Variants in PRKAR1B observed in about 807,000 individuals in gnomAD.
The protein encoded by PRKAR1B is cAMP-dependent protein kinase type I-beta regulatory subunit.
Under a neutral mutation model 46.5 loss-of-function variants are expected in PRKAR1B, and 22 were observed. The ratio of observed to expected loss-of-function variants is 0.47; its 90% CI spans 0.34 to 0.68. The LOEUF is 0.68. Ranked by LOEUF, PRKAR1B falls within the 30% of genes least tolerant of loss-of-function variation. PRKAR1B has a pLI of 0.01. For synonymous variants in PRKAR1B, 259 were observed against 217.7 expected (o/e 1.19, Z -1.67); for missense variants, 445 against 535.6 (o/e 0.83, Z 1.67).
chr7:715,337 A>C (rs914586244), intron 1 of PRKAR1B, among the ~76,000 whole-genome samples: 2 of 152,166 alleles, frequency 1.3e-5, no homozygotes, highest in African/African-American at 4.8e-5. Context: ...ATGCTCCTGG[A>C]TGAAGACACA....
rs1410812208 is a variant in PRKAR1B, at chr7:603,688, G to C, written c.549+2505C>G. Among the ~76,000 whole-genome samples the C allele has an allele frequency of 2.7e-5, 4 of 149,116 alleles. No homozygotes were observed. In the East Asian group the frequency reaches 8.0e-4, roughly 30 times the overall value. ...GGGAGGAGGTGACACGGTGACACCA[G>C]GACCCAGAGTGGAGGGGATGGGGGA... On this transcript the variant is annotated intron_variant, in intron 6 of 10. Coordinates refer to ENST00000537384, the MANE Select transcript of PRKAR1B (RefSeq NM_001164760.2).
At chr7:554,985 G>T (rs1001165095) in intron 9 of PRKAR1B, among the ~76,000 whole-genome samples, 6 of 152,172 alleles carry the variant, frequency 3.9e-5, no homozygotes, top group Non-Finnish European at 8.8e-5. Flanking sequence ...GTCCCTCATG[G>T]GGGCACAGAG....
At chr7:654,984 G>A (rs1464293796) in intron 4 of PRKAR1B, among the ~76,000 whole-genome samples, 1 of 152,258 alleles carries the variant, frequency 6.6e-6, no homozygotes, top group East Asian at 1.9e-4. Context: ...GGCTAGACAG[G>A]GCCCCTTTCT....
chr7:658,171 C>G (rs959045322), intron 4 of PRKAR1B, among the ~76,000 whole-genome samples: 1 of 152,094 alleles, frequency 6.6e-6, no homozygotes. Context: ...CGGTGGCTCA[C>G]ACCTGTAATC....
At position 679,985 on chromosome 7, in the gene PRKAR1B, C is replaced by T. The variant is rs1354514352; in HGVS notation, c.348+571G>A. On this transcript the variant is annotated intron_variant, in intron 3 of 10. Coordinates refer to ENST00000537384, the MANE Select transcript of PRKAR1B (RefSeq NM_001164760.2). Reference sequence around the variant, plus strand: ...CATCCTGGCTAACACAGTGAAACCCCGTCTTTACTAAAAATACAAAAAATT... The same window carrying T: ...CATCCTGGCTAACACAGTGAAACCCTGTCTTTACTAAAAATACAAAAAATT... Among the ~76,000 whole-genome samples the T allele has an allele frequency of 2.6e-5, 4 of 152,014 alleles. No homozygotes were observed. In the East Asian group the frequency reaches 5.8e-4, roughly 22 times the overall value.
At chr7:668,443 C>A (rs907775252) in intron 4 of PRKAR1B, among the ~76,000 whole-genome samples, 2 of 152,130 alleles carry the variant, frequency 1.3e-5, no homozygotes, top group East Asian at 3.8e-4. Flanking sequence ...CTTTAGAGAC[C>A]GTGGCCAGAA....
intron 4 of PRKAR1B, among the ~76,000 whole-genome samples, chr7:611,079 T>G (rs1004071699): frequency 1.3e-5 from 2 of 152,244 alleles, no homozygotes; most frequent in South Asian, 2.1e-4. Context: ...AGGTCAGCAC[T>G]GCTGTTCCGT....
chr7:555,650 C>A (rs1222704690), intron 9 of PRKAR1B, among the ~76,000 whole-genome samples: 1 of 152,198 alleles, frequency 6.6e-6, no homozygotes, highest in Non-Finnish European at 1.5e-5. Context: ...CACATGCCCC[C>A]TTTTTCAGGG....
At chr7:609,200 G>A (rs1443253918) in intron 4 of PRKAR1B, among the ~76,000 whole-genome samples, 2 of 152,160 alleles carry the variant, frequency 1.3e-5, no homozygotes, top group Non-Finnish European at 2.9e-5. Context: ...CCTGGTGCAC[G>A]CATCTGCAGG....
intron 4 of PRKAR1B, among the ~76,000 whole-genome samples, chr7:636,396 TCACGTCCTCCACCGGCCGCGCCCA>T (rs1448041798): frequency 0.11 from 1,702 of 16,188 alleles, 114 homozygotes; most frequent in South Asian, 0.14. Flanking sequence ...GGCCGCGCCC[TCACGTCCTCCACCGGCCGCGCCCA>T]CACGTCCTCC....
rs183552882 is a variant in PRKAR1B, at chr7:649,144, A to G, written c.440+28085T>C. Reference sequence around the variant, plus strand: ...GTGCCACTGCACTCCAGCCTGGGTGACAGAGTGAGACTCCGTCTCAAAATA... The same window carrying G: ...GTGCCACTGCACTCCAGCCTGGGTGGCAGAGTGAGACTCCGTCTCAAAATA... On this transcript the variant is annotated intron_variant, in intron 4 of 10. Transcript: ENST00000537384. 3.9e-5 allele frequency among the ~76,000 whole-genome samples: 6 copies of G among 152,336 alleles called. No individual in the cohort carries two copies. In the East Asian group the frequency reaches 1.2e-3, roughly 29 times the overall value.
chr7:583,776 A>ACG (rs1780433389), intron 8 of PRKAR1B, among the ~76,000 whole-genome samples: 1 of 148,346 alleles, frequency 6.7e-6, no homozygotes. Flanking sequence ...ATGCACACTC[A>ACG]CGTGTACACC....
chr7:604,598 C>G (rs1042457844), intron 6 of PRKAR1B, among the ~76,000 whole-genome samples: 3 of 152,220 alleles, frequency 2.0e-5, no homozygotes, highest in African/African-American at 4.8e-5. Context: ...GGCGGGACCC[C>G]TGAGTCATTT....
chr7:727,493 G>C (rs1434427071), upstream of PRKAR1B: 21 of 272,970 alleles, frequency 7.7e-5, no homozygotes, highest in African/African-American at 5.7e-4. Context: ...AAAGCACCCC[G>C]CCCGGCCCCC....
chr7:562,141 T>C (rs1027473918), intron 9 of PRKAR1B: 19 of 152,420 alleles, frequency 1.2e-4, no homozygotes, highest in African/African-American at 4.3e-4. Flanking sequence ...TCAATGCCCT[T>C]CTGTGGCCCA....
intron 4 of PRKAR1B, among the ~76,000 whole-genome samples, chr7:631,769 T>A (rs576127491): frequency 4.5e-4 from 68 of 150,890 alleles, no homozygotes; most frequent in African/African-American, 1.6e-3. Flanking sequence ...CTGGCCAACA[T>A]AGAGAGACCC....
At chr7:556,641 C>A (rs2128422037) in intron 9 of PRKAR1B, among the ~76,000 whole-genome samples, 1 of 152,358 alleles carries the variant, frequency 6.6e-6, no homozygotes, top group South Asian at 2.1e-4. Context: ...CCGGAAGGGG[C>A]TGTGGCGCGG....
chr7:694,271 C>T (rs1030445470), intron 2 of PRKAR1B, among the ~76,000 whole-genome samples: 1 of 151,768 alleles, frequency 6.6e-6, no homozygotes, highest in Non-Finnish European at 1.5e-5. Context: ...GGCGAGAGAG[C>T]GAGACTCCAT....
chr7:686,745 C>T (rs748644312), intron 2 of PRKAR1B, among the ~76,000 whole-genome samples: 1 of 151,984 alleles, frequency 6.6e-6, no homozygotes, highest in African/African-American at 2.4e-5. Context: ...GAATTAATTA[C>T]AAGGCCAATT....
Sources: allele counts gnomAD v4.1 joint callset (sites outside exome capture counted in the v4.1 genomes callset), GRCh38; gene constraint gnomAD v4.1.1; transcripts MANE v1.5; gene names NCBI Gene and HGNC (gene_info 2026-07-23, HGNC 2026-07-21).